Variants in FAF2 observed in about 807,000 individuals in gnomAD.
The protein encoded by FAF2 is Fas associated factor family member 2.
FAF2 carries 9 observed loss-of-function variants against 62.3 expected under a neutral mutation model. That is an observed-to-expected ratio of 0.14 (90% confidence interval 0.09 to 0.25). FAF2 has a LOEUF of 0.25. Ranked by LOEUF, FAF2 falls within the 10% of genes least tolerant of loss-of-function variation. The pLI is 1.00. For missense variants in FAF2, 368 were observed against 556.2 expected, an observed-to-expected ratio of 0.66 and a Z score of 3.40; for synonymous variants, 202 against 198.0, an observed-to-expected ratio of 1.02 and a Z score of -0.17.
At chr5:176,481,250 A>T (rs1758779547) in intron 2 of FAF2, among the ~76,000 whole-genome samples, 1 of 151,786 alleles carries the variant, frequency 6.6e-6, no homozygotes, top group Non-Finnish European at 1.5e-5. Flanking sequence ...GTTTCACCAT[A>T]TTGGCCAGGC....
In FAF2 at chr5:176,494,122, C is replaced by G; in HGVS notation, c.569+38C>G. The stretch of plus-strand genomic sequence containing the variant: ...ATTATTTTCCTTCTCTTTTCTGACT[C>G]TTTCTGGTGACAGTTTATAGTCAGC... On this transcript the variant is annotated intron_variant, in intron 6 of 10. Coordinates refer to ENST00000261942, the MANE Select transcript of FAF2 (RefSeq NM_014613.3). This position sits in a 1 kb window ranked among gnomAD's most constrained non-coding sequence, Gnocchi z 4.0. The G allele has an allele frequency of 1.2e-6, 2 of 1,608,750 alleles. No individual in the cohort carries two copies. The highest frequency in any genetic ancestry group is 1.7e-6 in the Non-Finnish European group (2 of 1,175,328).
rs1433769046 is a variant in FAF2 at position 176,491,670 on chromosome 5, C to T, written c.345-524C>T. Among the ~76,000 whole-genome samples, 5 of 152,174 alleles carry T rather than the reference C, an allele frequency of 3.3e-5. 1 individual carries two copies. Among genetic ancestry groups the T allele is most frequent in the Admixed American group, 2.0e-4 (3 of 15,270 alleles). On this transcript the variant is annotated intron_variant, in intron 4 of 10. Transcript: ENST00000261942. Reference sequence around the variant, plus strand: ...GTAGAACTCTCTGTGATGATAGAAACGTTCTGTATCTCCGCTGTTCAGTAT... The same window carrying T: ...GTAGAACTCTCTGTGATGATAGAAATGTTCTGTATCTCCGCTGTTCAGTAT...
intron 1 of FAF2, among the ~76,000 whole-genome samples, chr5:176,476,389 G>A (rs1344295866): frequency 6.6e-6 from 1 of 152,118 alleles, no homozygotes; most frequent in Non-Finnish European, 1.5e-5. Flanking sequence ...CTTTTAACTT[G>A]GACTGATTCT....
At chr5:176,471,710 TCTCA>T (rs1235544878) in intron 1 of FAF2, among the ~76,000 whole-genome samples, 1 of 121,484 alleles carries the variant, frequency 8.2e-6, no homozygotes, top group Non-Finnish European at 1.7e-5. Context: ...TGAGATGGAG[TCTCA>T]CTCTGTCTGT....
intron 1 of FAF2, among the ~76,000 whole-genome samples, chr5:176,469,533 G>A (rs912178132): frequency 1.3e-5 from 2 of 152,214 alleles, no homozygotes; most frequent in African/African-American, 4.8e-5. Flanking sequence ...ATATTGGCTT[G>A]AGACATACTT....
intron 1 of FAF2, among the ~76,000 whole-genome samples, chr5:176,456,475 A>G (rs1758279053): frequency 6.6e-6 from 1 of 152,232 alleles, no homozygotes. Flanking sequence ...GCATGTAAGC[A>G]TATGAAAAGA....
chr5:176,467,969 A>G (rs1486540843), intron 1 of FAF2, among the ~76,000 whole-genome samples: 1 of 152,124 alleles, frequency 6.6e-6, no homozygotes, highest in Admixed American at 6.5e-5. Flanking sequence ...GTTCAAGACT[A>G]GCCTGGCCAA....
intron 10 of FAF2, among the ~76,000 whole-genome samples, chr5:176,500,668 A>G (rs1174980242): frequency 1.8e-4 from 27 of 152,234 alleles, no homozygotes; most frequent in Admixed American, 1.8e-3. Flanking sequence ...TATGATAGCC[A>G]TGTGATAGTG....
intron 1 of FAF2, among the ~76,000 whole-genome samples, chr5:176,466,618 C>T (rs1359774913): frequency 6.6e-6 from 1 of 152,180 alleles, no homozygotes; most frequent in Non-Finnish European, 1.5e-5. Flanking sequence ...TTTGTGATAC[C>T]TTCTTTGAGT....
At chr5:176,495,634 C>T (rs1209473491) in intron 7 of FAF2, among the ~76,000 whole-genome samples, 8 of 151,804 alleles carry the variant, frequency 5.3e-5, no homozygotes, top group African/African-American at 1.9e-4. Context: ...GCCTCAGCCT[C>T]TCGCCTATCT....
At chr5:176,480,790 G>A (rs1227075120) in intron 2 of FAF2, among the ~76,000 whole-genome samples, 3 of 145,980 alleles carry the variant, frequency 2.1e-5, no homozygotes, top group Admixed American at 6.9e-5. Context: ...ATCACACACG[G>A]GGCCTCTCGG....
At chr5:176,471,073 C>T (rs1758559256) in intron 1 of FAF2, among the ~76,000 whole-genome samples, 1 of 152,188 alleles carries the variant, frequency 6.6e-6, no homozygotes. Flanking sequence ...TATTTCTCTT[C>T]CACCCCCACA....
chr5:176,454,567 G>C, intron 1 of FAF2, among the ~76,000 whole-genome samples: 1 of 114,366 alleles, frequency 8.7e-6, no homozygotes, highest in Admixed American at 1.0e-4. Context: ...AACAGAGCCA[G>C]ATTCTGTCTG....
intron 4 of FAF2, among the ~76,000 whole-genome samples, chr5:176,490,094 A>G (rs981251149): frequency 2.0e-5 from 3 of 151,994 alleles, no homozygotes; most frequent in African/African-American, 7.2e-5. Context: ...GGCGGATCAC[A>G]ACGTCAGGAG....
intron 1 of FAF2, among the ~76,000 whole-genome samples, chr5:176,470,637 TCACA>T (rs146754558): frequency 0.021 from 3,257 of 152,130 alleles, 111 homozygotes; most frequent in African/African-American, 0.074. Context: ...AAAAACACAC[TCACA>T]CACACACAAA....
At chr5:176,450,987 G>A (rs527912102) in intron 1 of FAF2, among the ~76,000 whole-genome samples, 1 of 152,264 alleles carries the variant, frequency 6.6e-6, no homozygotes, top group East Asian at 1.9e-4. Context: ...TCATTATCCA[G>A]ACTGCCATTA....
chr5:176,452,081 G>A (rs1052489513), intron 1 of FAF2, among the ~76,000 whole-genome samples: 4 of 149,330 alleles, frequency 2.7e-5, no homozygotes, highest in African/African-American at 7.4e-5. Context: ...TTTTTGAGAC[G>A]GAGGCTTGCT....
chr5:176,454,577 G>GAAAAAAAAAAAAAAAAA (rs56324116), intron 1 of FAF2, among the ~76,000 whole-genome samples: 1 of 95,326 alleles, frequency 1.0e-5, no homozygotes, highest in Non-Finnish European at 2.0e-5. Flanking sequence ...GATTCTGTCT[G>GAAAAAAAAAAAAAAAAA]AAAAAAAAAA....
At chr5:176,482,556 T>C (rs1758800700) in intron 2 of FAF2, among the ~76,000 whole-genome samples, 1 of 152,224 alleles carries the variant, frequency 6.6e-6, no homozygotes, top group Admixed American at 6.5e-5. Context: ...TTGCCCAGGC[T>C]GGAGTACAGT....
Sources: gnomAD v4.1 joint callset for allele counts (sites outside exome capture counted in the v4.1 genomes callset) on GRCh38, gnomAD v4.1.1 for gene constraint, Gnocchi (gnomAD v3.1) non-coding constraint, MANE v1.5 for transcripts, NCBI Gene and HGNC (gene_info 2026-07-23, HGNC 2026-07-21) for gene names.